Variants in DLG5 observed in about 807,000 individuals in gnomAD.
The protein encoded by DLG5 is disks large homolog 5.
Under a neutral mutation model 189.8 loss-of-function variants are expected in DLG5, and 48 were observed. The observed-to-expected ratio is 0.25, with a 90% CI of 0.20 to 0.32. The LOEUF (loss-of-function observed/expected upper bound fraction) is 0.32, where lower values mean the gene tolerates loss of function less well. DLG5 is among the 10% of genes least tolerant of loss of function. The pLI is 1.00. For synonymous variants in DLG5, 1,016 were observed against 1,054.1 expected (o/e 0.96, Z 0.70); for missense variants, 2,160 against 2,544.7 (o/e 0.85, Z 3.25).
At chr10:77,835,661 A>T in intron 8 of DLG5, 77 bp downstream of exon 8, 1 of 1,444,018 alleles carries the variant, frequency 6.9e-7, no homozygotes, top group Non-Finnish European at 9.2e-7. Context: ...AATGATTCCG[A>T]CCCTCCCAAC....
chr10:77,892,820 C>A (rs1399041009), intron 1 of DLG5, among the ~76,000 whole-genome samples: 1 of 152,186 alleles, frequency 6.6e-6, no homozygotes, highest in Non-Finnish European at 1.5e-5. Flanking sequence ...AAAGGGTAAT[C>A]AAGTTTTTAA....
the DLG5 span, among the ~76,000 whole-genome samples, chr10:77,933,616 C>T: frequency 2.0e-5 from 3 of 151,654 alleles, no homozygotes; most frequent in African/African-American, 4.8e-5. Flanking sequence ...CCCAGCTACT[C>T]GGGAGGCTGA....
At chr10:77,925,739 G>A (rs1050130223) in intron 1 of DLG5, among the ~76,000 whole-genome samples, 3 of 152,180 alleles carry the variant, frequency 2.0e-5, no homozygotes, top group Non-Finnish European at 4.4e-5. Flanking sequence ...AAAGGAGCTG[G>A]GACAGCCAGA....
intron 1 of DLG5, among the ~76,000 whole-genome samples, chr10:77,872,693 G>A (rs564343501): frequency 1.3e-5 from 2 of 152,298 alleles, no homozygotes; most frequent in East Asian, 3.9e-4. Flanking sequence ...GTCAGGAAAA[G>A]GCAAAAGAAG....
At chr10:77,809,835 C>T (rs1288948698) in intron 23 of DLG5, 105 bp from the exon 24 acceptor site, 4 of 1,344,346 alleles carry the variant, frequency 3.0e-6, no homozygotes, top group Middle Eastern at 2.3e-4. Flanking sequence ...TTCTTGGGGT[C>T]TCAGAACCAC....
In DLG5 at chr10:77,926,428, C is replaced by T. The variant is rs1846696407; in HGVS notation, c.93G>A (p.Glu31=). 1.3e-6 allele frequency: 2 copies of T among 1,572,416 alleles called. No individual in the cohort carries two copies. The highest frequency in any genetic ancestry group is 1.7e-6 in the Non-Finnish European group (2 of 1,161,808). The change falls in exon 1 of 32, where the codon GAG becomes GAA. Residue 31 remains glutamate, a synonymous_variant. Transcript: ENST00000372391. The surrounding 1 kb of genome is among the most constrained non-coding windows in gnomAD (Gnocchi z 5.2). Reference sequence around the variant, plus strand: ...CGCCGGGACTGAGCGCTCCCGCGGCCTCGAGCAGCCCGAGCACGGCTTCCA... The same window carrying T: ...CGCCGGGACTGAGCGCTCCCGCGGCTTCGAGCAGCCCGAGCACGGCTTCCA... The part of the protein sequence containing the change: ...TEVEAVLGLL[E]AAGALSPGER...
At position 77,807,855 on chromosome 10, in the gene DLG5, C is replaced by G. The variant is rs151299676; in HGVS notation, c.4737G>C (p.Gln1579His). Residue 1579 changes from glutamine (Q) to histidine (H), a missense_variant, in exon 25 of 32, where the codon CAG becomes CAC. Transcript: ENST00000372391. ...CCTTCGTGAACTCCTCAGGGCGGTACTGCACCTTCAGGCGGACGCCATCCC... is the reference window on the plus strand; with the variant it reads ...CCTTCGTGAACTCCTCAGGGCGGTAGTGCACCTTCAGGCGGACGCCATCCC... ...KPRDGVRLKV[Q>H]YRPEEFTKAK... The G allele has an allele frequency of 8.3e-5, 134 of 1,614,120 alleles. No homozygotes were observed. The highest frequency in any genetic ancestry group is 1.1e-4 in the Non-Finnish European group (129 of 1,180,048).
chr10:77,939,940 T>C, the DLG5 span, among the ~76,000 whole-genome samples: 1 of 152,148 alleles, frequency 6.6e-6, no homozygotes, highest in Admixed American at 6.5e-5. Context: ...TATTTAAAAA[T>C]AGAACTCCAA....
At chr10:77,920,460 G>A (rs1237289902) in intron 1 of DLG5, among the ~76,000 whole-genome samples, 1 of 152,170 alleles carries the variant, frequency 6.6e-6, no homozygotes, top group African/African-American at 2.4e-5. Flanking sequence ...TCTTTTACCT[G>A]CGTGACATCG....
intron 1 of DLG5, chr10:77,869,535 C>T: frequency 3.0e-6 from 1 of 336,860 alleles, no homozygotes; most frequent in Non-Finnish European, 5.5e-6. Context: ...GGGGTTTCCT[C>T]CACATCTCTA....
At chr10:77,852,493 G>A (rs1392932647) in intron 5 of DLG5, among the ~76,000 whole-genome samples, 3 of 152,048 alleles carry the variant, frequency 2.0e-5, no homozygotes, top group African/African-American at 7.2e-5. Context: ...TTGGCTCACC[G>A]CATGCTCTGC....
At chr10:77,882,464 G>A (rs147610331) in intron 1 of DLG5, among the ~76,000 whole-genome samples, 3 of 152,126 alleles carry the variant, frequency 2.0e-5, no homozygotes, top group Non-Finnish European at 4.4e-5. Context: ...CTCTGTCCCC[G>A]ACTCCACTGC....
chr10:77,936,135 C>T, the DLG5 span, among the ~76,000 whole-genome samples: 1 of 152,082 alleles, frequency 6.6e-6, no homozygotes, highest in African/African-American at 2.4e-5. Context: ...GCAAATATCC[C>T]AGGATTTTAA....
intron 23 of DLG5, among the ~76,000 whole-genome samples, chr10:77,809,978 C>T (rs979722243): frequency 7.2e-5 from 11 of 152,198 alleles, no homozygotes; most frequent in Non-Finnish European, 1.5e-4. Context: ...TAAATCAGTG[C>T]CCCTGCTCCC....
intron 5 of DLG5, chr10:77,846,636 G>T (rs1342135859): frequency 2.2e-6 from 1 of 451,838 alleles, no homozygotes; most frequent in Non-Finnish European, 4.4e-6. Context: ...GGCGTAGGTT[G>T]CAGTGAGCCA....
At chr10:77,814,382 G>C (rs1489669723) in intron 20 of DLG5, among the ~76,000 whole-genome samples, 1 of 146,720 alleles carries the variant, frequency 6.8e-6, no homozygotes, top group Non-Finnish European at 1.5e-5. Context: ...GGTTTATAAA[G>C]TATACTTAAA....
intron 20 of DLG5, chr10:77,816,202 C>T (rs530342580): frequency 3.4e-5 from 19 of 556,190 alleles, no homozygotes; most frequent in East Asian, 2.6e-4. Flanking sequence ...ACAATAATAA[C>T]GACACTGGCA....
chr10:77,828,656 G>A (rs902794278), intron 13 of DLG5, among the ~76,000 whole-genome samples: 4 of 151,996 alleles, frequency 2.6e-5, no homozygotes, highest in African/African-American at 7.3e-5. Flanking sequence ...ATCTACAGGT[G>A]GTAGCAATGC....
intron 24 of DLG5, 35 bp downstream of exon 24, chr10:77,809,512 T>G (rs1449684020): frequency 6.3e-7 from 1 of 1,585,020 alleles, no homozygotes; most frequent in South Asian, 1.2e-5. Flanking sequence ...TGCAGGTAGA[T>G]GGAGGCCTGG....
Sources: gnomAD v4.1 joint callset for allele counts (sites outside exome capture counted in the v4.1 genomes callset) on GRCh38, gnomAD v4.1.1 for gene constraint, Gnocchi (gnomAD v3.1) non-coding constraint, MANE v1.5 for transcripts, NCBI Gene and HGNC (gene_info 2026-07-23, HGNC 2026-07-21) for gene names.